ZFHX4: variants seen among roughly 807,000 people sequenced by gnomAD.
ZFHX4 encodes zinc finger homeobox protein 4.
A neutral mutation model predicts 267.6 loss-of-function variants in ZFHX4; 56 were observed. The ratio of observed to expected loss-of-function variants is 0.21; its 90% CI spans 0.17 to 0.26. The LOEUF (loss-of-function observed/expected upper bound fraction) is 0.26. Among genes scored for constraint, ZFHX4 ranks in the 10% least tolerant of loss-of-function variants. ZFHX4 has a pLI of 1.00. For synonymous variants in ZFHX4, 1,778 were observed against 1,665.6 expected, an observed-to-expected ratio of 1.07 and a Z score of -1.64; for missense variants, 4,332 against 4,420.0, an observed-to-expected ratio of 0.98 and a Z score of 0.56.
chr8:76,689,430 T>TACA (rs1460221004), intron 1 of ZFHX4, among the ~76,000 whole-genome samples: 3 of 152,238 alleles, frequency 2.0e-5, no homozygotes, highest in African/African-American at 7.2e-5. Flanking sequence ...AAGCAGAATA[T>TACA]GTGTTTATAT....
chr8:76,750,948 T>TA (rs1394450265), intron 3 of ZFHX4, among the ~76,000 whole-genome samples: 6 of 152,116 alleles, frequency 3.9e-5, no homozygotes, highest in African/African-American at 1.4e-4. Context: ...TCTCATACCT[T>TA]AAAAAACGCA....
chr8:76,808,456 A>G (rs1226953724), intron 4 of ZFHX4, among the ~76,000 whole-genome samples: 4 of 152,142 alleles, frequency 2.6e-5, no homozygotes, highest in Non-Finnish European at 5.9e-5. Flanking sequence ...AGTATGGTAC[A>G]CTGCGAAGAC....
intron 4 of ZFHX4, among the ~76,000 whole-genome samples, chr8:76,825,942 C>G (rs1029360908): frequency 2.0e-5 from 3 of 152,156 alleles, no homozygotes; most frequent in African/African-American, 7.2e-5. Context: ...AGAAATGCAG[C>G]TTGCTTGAGA....
intron 3 of ZFHX4, among the ~76,000 whole-genome samples, chr8:76,741,820 G>T (rs1399907523): frequency 6.6e-6 from 1 of 152,142 alleles, no homozygotes; most frequent in Non-Finnish European, 1.5e-5. Flanking sequence ...GGAAAAGAGT[G>T]GTCAAAGCTT....
At chr8:76,808,935 A>T (rs111857468) in intron 4 of ZFHX4, among the ~76,000 whole-genome samples, 1,489 of 148,002 alleles carry the variant, frequency 0.01, 19 homozygotes, top group African/African-American at 0.025. Flanking sequence ...TCTCTCTCTC[A>T]CACACACACA....
chr8:76,854,083 A>G lies in ZFHX4; in HGVS notation c.7162A>G (p.Ser2388Gly). The G allele has an allele frequency of 6.2e-7, 1 of 1,613,964 alleles. No individual in the cohort carries two copies. The highest frequency in any genetic ancestry group is 8.5e-7 in the Non-Finnish European group (1 of 1,179,876). ...APAASSGSGTSTPLIPSPKPE... is the reference protein window; with the variant it reads ...APAASSGSGTGTPLIPSPKPE... ...TGCAGCAAGTTCTGGCTCTGGGACC[A>G]GCACCCCCCTGATTCCATCACCCAA... Residue 2388 changes from serine to glycine, a missense_variant, in exon 10 of 11, where the codon AGC (serine) becomes GGC (glycine). Ser to Gly is a moderately conservative substitution (Grantham distance 56, BLOSUM62 0). Transcript: ENST00000651372.
At chr8:76,847,074 T>A (rs1237259670) in intron 6 of ZFHX4, among the ~76,000 whole-genome samples, 4 of 152,182 alleles carry the variant, frequency 2.6e-5, no homozygotes, top group Admixed American at 6.6e-5. Flanking sequence ...AGGCAATTGA[T>A]AGACATTGGT....
chr8:76,856,813 C>G (rs1812740793), intron 10 of ZFHX4, among the ~76,000 whole-genome samples: 1 of 152,164 alleles, frequency 6.6e-6, no homozygotes, highest in African/African-American at 2.4e-5. Context: ...TATTCACCCA[C>G]ATGGTTCCTA....
At chr8:76,818,509 A>T (rs1811563366) in intron 4 of ZFHX4, among the ~76,000 whole-genome samples, 3 of 152,222 alleles carry the variant, frequency 2.0e-5, no homozygotes. Context: ...GTTGTTGAAG[A>T]GCTGTTTTAG....
rs375488024 is a variant in ZFHX4, at chr8:76,860,196, C to A, written c.9380-2898C>A. Among the ~76,000 whole-genome samples the A allele has an allele frequency of 1.2e-4, 19 of 152,142 alleles. No individual in the cohort carries two copies. The East Asian group carries it at 1.9e-3, about 15-fold the overall frequency. ...AATTTTTATAGGCTTATTTATCTTA[C>A]TAGTAAGCCAAATGCACATAGCTTA... On this transcript the variant is annotated intron_variant, in intron 10 of 10. Transcript: ENST00000651372.
Position 76,705,285 on chromosome 8 carries a change from C to T in ZFHX4, c.1197C>T (p.Thr399=). Residue 399 remains threonine (T), a synonymous_variant, in exon 2 of 11, where the codon ACC becomes ACT. Coordinates refer to ENST00000651372, the MANE Select transcript of ZFHX4 (RefSeq NM_024721.5). The part of the protein sequence containing the change: ...SSSAEQPLGI[T]QMPKAEVNLG... ...CAGCAGAGCAGCCGCTGGGGATTAC[C>T]CAAATGCCAAAGGCTGAAGTGAATC... 6.2e-7 allele frequency: 1 copy of T among 1,613,988 alleles called. No homozygotes were observed. Among genetic ancestry groups the T allele is most frequent in the Non-Finnish European group, 8.5e-7 (1 of 1,179,888 alleles).
At chr8:76,757,723 C>CA (rs758687449) in intron 3 of ZFHX4, among the ~76,000 whole-genome samples, 23 of 152,276 alleles carry the variant, frequency 1.5e-4, no homozygotes, top group Non-Finnish European at 2.8e-4. Flanking sequence ...TCCTGATTTA[C>CA]AAAATAGGCA....
intron 3 of ZFHX4, among the ~76,000 whole-genome samples, chr8:76,743,286 C>T (rs1032085016): frequency 3.9e-5 from 6 of 152,170 alleles, no homozygotes; most frequent in Non-Finnish European, 7.3e-5. Flanking sequence ...TGATAAGCTA[C>T]CATCACATGA....
At position 76,864,427 on chromosome 8, in the gene ZFHX4, A is replaced by G; in HGVS notation, c.10713A>G (p.Glu3571=). Residue 3571 remains glutamate, a synonymous_variant, in exon 11 of 11, where the codon GAA becomes GAG. Transcript: ENST00000651372. ...TSGVQTSLPT[E]SCSDESDSEL... is the part of the protein sequence containing the mutation. The stretch of plus-strand genomic sequence containing the variant: ...GGGTTCAAACCTCACTACCCACAGA[A>G]AGTTGTTCAGATGAGTCTGACAGTG... 6.2e-7 allele frequency: 1 copy of G among 1,613,692 alleles called. No homozygotes were observed. Among genetic ancestry groups the G allele is most frequent in the South Asian group, 1.1e-5 (1 of 91,066 alleles).
intron 3 of ZFHX4, among the ~76,000 whole-genome samples, chr8:76,715,325 C>T (rs1808536059): frequency 6.6e-6 from 1 of 151,328 alleles, no homozygotes; most frequent in East Asian, 1.9e-4. Context: ...CTACTAAAAA[C>T]ACAAAAATTA....
At chr8:76,762,500 A>G (rs1320062707) in intron 3 of ZFHX4, among the ~76,000 whole-genome samples, 1 of 152,202 alleles carries the variant, frequency 6.6e-6, no homozygotes, top group Non-Finnish European at 1.5e-5. Context: ...GTATAATACT[A>G]GAATTAGGAT....
In ZFHX4 at chr8:76,854,723, A is replaced by C. The variant is rs1165956697; in HGVS notation, c.7802A>C (p.Asp2601Ala). The change falls in exon 10 of 11, where the codon GAC (aspartate) becomes GCC (alanine). Residue 2601 changes from aspartate (D) to alanine (A), a missense_variant. This residue lies in a region of ZFHX4 where 1,648 missense variants were observed against 1,625.0 expected (regional missense o/e 1.01). Transcript: ENST00000651372. ...SEKEGGNSGEDQHRDKRLRTT... is the reference protein window; with the variant it reads ...SEKEGGNSGEAQHRDKRLRTT... Reference sequence around the variant, plus strand: ...AAAGAAGGAGGGAATAGCGGTGAAGACCAACACCGAGATAAACGCTTGAGA... The same window carrying C: ...AAAGAAGGAGGGAATAGCGGTGAAGCCCAACACCGAGATAAACGCTTGAGA... The C allele has an allele frequency of 6.2e-7, 1 of 1,612,986 alleles. No homozygotes were observed. Among genetic ancestry groups the C allele is most frequent in the African/African-American group, 1.3e-5 (1 of 74,894 alleles).
At chr8:76,762,246 G>T (rs1034239180) in intron 3 of ZFHX4, among the ~76,000 whole-genome samples, 19 of 152,174 alleles carry the variant, frequency 1.2e-4, no homozygotes, top group African/African-American at 4.6e-4. Context: ...GAAGTATGAA[G>T]TCAGGAGAAA....
chr8:76,740,222 T>C (rs1228740466), intron 3 of ZFHX4, among the ~76,000 whole-genome samples: 1 of 152,032 alleles, frequency 6.6e-6, no homozygotes, highest in East Asian at 1.9e-4. Context: ...GTTTTTTATT[T>C]GTATTCCCTG....
Sources: gnomAD v4.1 joint callset for allele counts (sites outside exome capture counted in the v4.1 genomes callset) on GRCh38, gnomAD v4.1.1 for gene constraint, gnomAD v4.1.1 regional missense constraint, MANE v1.5 for transcripts, NCBI Gene and HGNC (gene_info 2026-07-23, HGNC 2026-07-21) for gene names.